Variants in SEMA6D observed in about 807,000 individuals in gnomAD.
The protein encoded by SEMA6D is semaphorin-6D.
A neutral mutation model predicts 106.6 loss-of-function variants in SEMA6D; 35 were observed. That is an observed-to-expected ratio of 0.33 (90% confidence interval 0.25 to 0.44). The LOEUF (loss-of-function observed/expected upper bound fraction) is 0.44, where lower values mean the gene tolerates loss of function less well. Ranked by LOEUF, SEMA6D falls within the 20% of genes least tolerant of loss-of-function variation. The pLI, the probability that SEMA6D is intolerant of heterozygous loss-of-function variation, is 1.00. For synonymous variants in SEMA6D, 499 were observed against 487.7 expected, an observed-to-expected ratio of 1.02 and a Z score of -0.31; for missense variants, 1,185 against 1,345.9, an observed-to-expected ratio of 0.88 and a Z score of 1.87.
intron 3 of SEMA6D, among the ~76,000 whole-genome samples, chr15:47,583,986 C>T (rs1175718509): frequency 6.6e-6 from 1 of 152,182 alleles, no homozygotes; most frequent in Non-Finnish European, 1.5e-5. Context: ...GCTCACAGCA[C>T]GGATCCCATC....
At position 47,730,610 on chromosome 15, in the gene SEMA6D, T is replaced by C. The variant is rs546498856; in HGVS notation, c.-55+12918T>C. Reference sequence around the variant, plus strand: ...CTCGGCCCAGGCCAACAGTCTCTGCTTCTTCTCTTGCTTTGTCTCTGGTCT... The same window carrying C: ...CTCGGCCCAGGCCAACAGTCTCTGCCTCTTCTCTTGCTTTGTCTCTGGTCT... On this transcript the variant is annotated intron_variant, in intron 1 of 18. Coordinates refer to ENST00000536845, the MANE Select transcript of SEMA6D (RefSeq NM_001358351.3). 6.9e-5 allele frequency: 109 copies of C among 1,569,430 alleles called. No individual in the cohort carries two copies. In the African/African-American group the frequency reaches 1.3e-3, roughly 19 times the overall value.
chr15:47,514,573 G>T (rs1014096592), intron 3 of SEMA6D, among the ~76,000 whole-genome samples: 2 of 152,098 alleles, frequency 1.3e-5, no homozygotes, highest in African/African-American at 2.4e-5. Flanking sequence ...CTCCTTCTAT[G>T]ACACACAACT....
At chr15:47,615,394 A>T (rs2076988434) in intron 4 of SEMA6D, among the ~76,000 whole-genome samples, 1 of 152,192 alleles carries the variant, frequency 6.6e-6, no homozygotes, top group Non-Finnish European at 1.5e-5. Flanking sequence ...AACCAATGGC[A>T]CAGATACCAA....
At chr15:47,449,571 A>G (rs2042127081) in intron 2 of SEMA6D, among the ~76,000 whole-genome samples, 1 of 152,064 alleles carries the variant, frequency 6.6e-6, no homozygotes, top group South Asian at 2.1e-4. Flanking sequence ...GGGCTGACAT[A>G]TGAGCAATTG....
intron 1 of SEMA6D, among the ~76,000 whole-genome samples, chr15:47,390,481 G>A (rs77714891): frequency 0.016 from 2,367 of 152,262 alleles, 66 homozygotes; most frequent in African/African-American, 0.054. Flanking sequence ...GGGTAGGAAA[G>A]AGGGAGTGAA....
intron 4 of SEMA6D, among the ~76,000 whole-genome samples, chr15:47,644,384 C>T (rs999002140): frequency 2.0e-5 from 3 of 152,180 alleles, no homozygotes; most frequent in Admixed American, 6.5e-5. Flanking sequence ...ATGATAAAAT[C>T]GAATTGCCTC....
chr15:47,459,857 G>A (rs1215828967), intron 2 of SEMA6D, among the ~76,000 whole-genome samples: 1 of 151,988 alleles, frequency 6.6e-6, no homozygotes, highest in Non-Finnish European at 1.5e-5. Context: ...GTAGTGCAGA[G>A]TGTTTAAAAT....
intron 1 of SEMA6D, chr15:47,274,820 C>G (rs2034724145): frequency 6.6e-6 from 1 of 152,140 alleles, no homozygotes; most frequent in African/African-American, 2.4e-5. Context: ...CCATTCATAT[C>G]AATCAGGAAG....
At chr15:47,201,423 A>G (rs565314672) in intron 1 of SEMA6D, among the ~76,000 whole-genome samples, 2 of 152,330 alleles carry the variant, frequency 1.3e-5, no homozygotes, top group South Asian at 4.1e-4. Flanking sequence ...AATATAAAAG[A>G]CACATTAATA....
chr15:47,707,720 T>A (rs1184921393), intron 4 of SEMA6D, among the ~76,000 whole-genome samples: 1 of 152,152 alleles, frequency 6.6e-6, no homozygotes, highest in African/African-American at 2.4e-5. Flanking sequence ...TCATGTAGAT[T>A]TTGGTATTTT....
chr15:47,766,979 A>G, intron 16 of SEMA6D, 58 bp from the exon 17 acceptor site: 1 of 1,003,046 alleles, frequency 1.0e-6, no homozygotes, highest in Non-Finnish European at 1.5e-6. Context: ...GGAATTCATA[A>G]ATTTTTGCTT....
chr15:47,363,597 A>G (rs2038896602), intron 1 of SEMA6D, among the ~76,000 whole-genome samples: 1 of 152,188 alleles, frequency 6.6e-6, no homozygotes, highest in African/African-American at 2.4e-5. Context: ...TATTTGTAAA[A>G]AGAAAGTGGA....
chr15:47,768,864 T>A, intron 18 of SEMA6D, 116 bp downstream of exon 18: 2 of 876,130 alleles, frequency 2.3e-6, no homozygotes, highest in Non-Finnish European at 3.4e-6. Flanking sequence ...CGGTTGTACC[T>A]CCACCGCCCC....
At chr15:47,311,847 C>T (rs749000085) in intron 1 of SEMA6D, among the ~76,000 whole-genome samples, 12 of 152,184 alleles carry the variant, frequency 7.9e-5, no homozygotes, top group Non-Finnish European at 1.6e-4. Context: ...ATGTCTGTAG[C>T]AGCTAAAAGC....
intron 1 of SEMA6D, among the ~76,000 whole-genome samples, chr15:47,752,747 G>A (rs539901474): frequency 4.6e-5 from 7 of 152,220 alleles, no homozygotes; most frequent in African/African-American, 4.8e-5. Flanking sequence ...AGTGGCTCAC[G>A]CCTGTAATCC....
chr15:47,517,555 A>G (rs1259407878), intron 3 of SEMA6D, among the ~76,000 whole-genome samples: 3 of 152,170 alleles, frequency 2.0e-5, no homozygotes, highest in African/African-American at 7.2e-5. Context: ...TAACCTGAAA[A>G]AACAAAGATG....
chr15:47,648,797 G>T (rs1225177150), intron 4 of SEMA6D, among the ~76,000 whole-genome samples: 1 of 152,126 alleles, frequency 6.6e-6, no homozygotes, highest in African/African-American at 2.4e-5. Flanking sequence ...AAGGTTTTGA[G>T]TCTTTAATTA....
intron 2 of SEMA6D, among the ~76,000 whole-genome samples, chr15:47,450,826 T>C (rs1178463887): frequency 6.6e-6 from 1 of 152,046 alleles, no homozygotes; most frequent in African/African-American, 2.4e-5. Flanking sequence ...TCAGCCATTG[T>C]TACTGGGGAA....
At position 47,761,220 on chromosome 15, in the gene SEMA6D, A is replaced by C; in HGVS notation, c.345A>C (p.Lys115Asn). ...RENCAMKGKH[K>N]DECHNFIKVF... Reference sequence around the variant, plus strand: ...ACTGTGCTATGAAAGGCAAGCATAAAGTGAGTGAAACAGAAAAATGTCTGC... The same window carrying C: ...ACTGTGCTATGAAAGGCAAGCATAACGTGAGTGAAACAGAAAAATGTCTGC... The change falls in exon 5 of 19, where the codon AAA becomes AAC. Residue 115 changes from lysine to asparagine, a missense_variant and splice_region_variant. Lys to Asn is a moderately conservative substitution (Grantham distance 94). Coordinates refer to ENST00000536845, the MANE Select transcript of SEMA6D (RefSeq NM_001358351.3). The C allele has an allele frequency of 6.2e-7, 1 of 1,613,700 alleles. No homozygotes were observed. Among genetic ancestry groups the C allele is most frequent in the Non-Finnish European group, 8.5e-7 (1 of 1,179,776 alleles).
Sources: allele counts gnomAD v4.1 joint callset (sites outside exome capture counted in the v4.1 genomes callset), GRCh38; gene constraint gnomAD v4.1.1; transcripts MANE v1.5; gene names NCBI Gene and HGNC (gene_info 2026-07-23, HGNC 2026-07-21).